ZNF239: variants seen among roughly 807,000 people sequenced by gnomAD.
ZNF239 encodes zinc finger protein (C2H2) homologous to mouse MOK-2.
Under a neutral mutation model 27.5 loss-of-function variants are expected in ZNF239, and 16 were observed. The observed-to-expected ratio is 0.58, with a 90% CI of 0.39 to 0.88. ZNF239 has a LOEUF of 0.88. Among genes scored for constraint, ZNF239 ranks in the 40% least tolerant of loss-of-function variants. ZNF239 has a pLI of 0.00. For missense variants in ZNF239, 527 were observed against 551.9 expected (o/e 0.95, Z 0.45); for synonymous variants, 199 against 192.6 (o/e 1.03, Z -0.27).
chr10:43,563,501 T>C (rs1237240633), intron 3 of ZNF239, among the ~76,000 whole-genome samples: 3 of 152,214 alleles, frequency 2.0e-5, no homozygotes, highest in East Asian at 1.9e-4. Context: ...CATATACTTG[T>C]AATGTACATA....
intron 3 of ZNF239, among the ~76,000 whole-genome samples, chr10:43,565,651 T>C (rs1192544941): frequency 6.6e-6 from 1 of 151,076 alleles, no homozygotes; most frequent in East Asian, 1.9e-4. Flanking sequence ...CTGTCTCTAC[T>C]AAAAATACAA....
At chr10:43,563,742 T>C (rs979156332) in intron 3 of ZNF239, among the ~76,000 whole-genome samples, 2 of 152,180 alleles carry the variant, frequency 1.3e-5, no homozygotes, top group Non-Finnish European at 2.9e-5. Flanking sequence ...ACAGTGATAC[T>C]GGGTCAATCA....
chr10:43,557,483 T>C lies in ZNF239; in HGVS notation c.597A>G (p.Lys199=). ...NTSPDGHPYE[K]IHTAEKQYEC... ...CGTATTGTTTCTCTGCAGTGTGGAT[T>C]TTCTCATATGGATGACCATCTGGGC... The change falls in exon 4 of 4, where the codon AAA becomes AAG. Residue 199 remains lysine (K), a synonymous_variant. Transcript: ENST00000374446. The C allele has an allele frequency of 6.2e-7, 1 of 1,614,176 alleles. No homozygotes were observed.
intron 3 of ZNF239, among the ~76,000 whole-genome samples, chr10:43,560,214 C>A (rs1837122227): frequency 6.6e-6 from 1 of 152,188 alleles, no homozygotes; most frequent in Admixed American, 6.5e-5. Flanking sequence ...CAAAGAAAGA[C>A]TGCTAATAAT....
At chr10:43,567,729 G>C (rs1299887807) in intron 3 of ZNF239, among the ~76,000 whole-genome samples, 170 bp downstream of exon 3, 1 of 152,196 alleles carries the variant, frequency 6.6e-6, no homozygotes, top group Admixed American at 6.5e-5. Flanking sequence ...GCTTATAAAG[G>C]ATGGAAAAGG....
intron 2 of ZNF239, among the ~76,000 whole-genome samples, chr10:43,569,328 A>G (rs747309633): frequency 2.0e-5 from 3 of 152,084 alleles, no homozygotes; most frequent in Admixed American, 6.6e-5. Context: ...GCTCCCCCAA[A>G]CATGAGTTTT....
Position 43,557,318 on chromosome 10 carries a change from C to T in ZNF239, c.762G>A (p.Gln254=), listed in dbSNP as rs368764611. ...FTRSSSLLIH[Q]AVHTDEKPYK... Reference sequence around the variant, plus strand: ...AAGGCTTCTCATCTGTGTGGACTGCCTGATGGATAAGCAGACTCGAGCTCC... The same window carrying T: ...AAGGCTTCTCATCTGTGTGGACTGCTTGATGGATAAGCAGACTCGAGCTCC... Residue 254 remains glutamine, a synonymous_variant, in exon 4 of 4, where the codon CAG becomes CAA. Coordinates refer to ENST00000374446, the MANE Select transcript of ZNF239 (RefSeq NM_001099282.2). 1.5e-5 allele frequency: 24 copies of T among 1,613,912 alleles called. No individual in the cohort carries two copies. Among genetic ancestry groups the T allele is most frequent in the Non-Finnish European group, 1.9e-5 (23 of 1,180,012 alleles).
chr10:43,564,361 G>A (rs970771917), intron 3 of ZNF239: 1 of 814,412 alleles, frequency 1.2e-6, no homozygotes, highest in African/African-American at 1.9e-5. Flanking sequence ...TCTAACTTGA[G>A]CTTGAAAAAC....
intron 3 of ZNF239, 74 bp from the exon 4 acceptor site, chr10:43,558,245 C>G: frequency 7.3e-7 from 1 of 1,366,178 alleles, no homozygotes; most frequent in Non-Finnish European, 9.7e-7. Flanking sequence ...GTGCCTAAGG[C>G]CTGAAGTCTT....
chr10:43,568,265 G>C (rs759608341), intron 2 of ZNF239: 15 of 985,430 alleles, frequency 1.5e-5, no homozygotes, highest in Non-Finnish European at 1.8e-5. Flanking sequence ...CTCAGCTACT[G>C]AATCTTTCTG....
chr10:43,559,743 A>C (rs1310246416), intron 3 of ZNF239, among the ~76,000 whole-genome samples: 3 of 152,210 alleles, frequency 2.0e-5, no homozygotes, highest in Non-Finnish European at 2.9e-5. Context: ...TATTACACTG[A>C]AATGACAAGA....
chr10:43,562,232 C>T (rs1221642177), intron 3 of ZNF239, among the ~76,000 whole-genome samples: 1 of 152,200 alleles, frequency 6.6e-6, no homozygotes, highest in Non-Finnish European at 1.5e-5. Context: ...ACTGAGGTAC[C>T]ATTTTCCACC....
intron 2 of ZNF239, among the ~76,000 whole-genome samples, chr10:43,571,931 A>G (rs1838058813): frequency 6.6e-6 from 1 of 152,202 alleles, no homozygotes. Context: ...ATTCACATTC[A>G]ATTTAAATGA....
intron 2 of ZNF239, among the ~76,000 whole-genome samples, chr10:43,572,922 C>A (rs1838124816): frequency 6.6e-6 from 1 of 152,166 alleles, no homozygotes; most frequent in Non-Finnish European, 1.5e-5. Flanking sequence ...ATGAATAACT[C>A]ATTTTACCTA....
intron 3 of ZNF239, among the ~76,000 whole-genome samples, chr10:43,558,467 G>A (rs75754324): frequency 6.9e-6 from 1 of 145,800 alleles, no homozygotes; most frequent in Non-Finnish European, 1.5e-5. Context: ...TTTTTTTTTT[G>A]AGACAGAGTT....
chr10:43,556,996 G>T lies in ZNF239; in HGVS notation c.1084C>A (p.Leu362Ile). The T allele has an allele frequency of 6.2e-7, 1 of 1,614,078 alleles. No individual in the cohort carries two copies. The highest frequency in any genetic ancestry group is 8.5e-7 in the Non-Finnish European group (1 of 1,179,994). Residue 362 changes from leucine (L) to isoleucine (I), a missense_variant, in exon 4 of 4, where the codon CTT (leucine) becomes ATT (isoleucine). By Grantham distance (5) the Leu-to-Ile change is conservative (BLOSUM62 2). Transcript: ENST00000374446. ...CGKGFSQSSN[L>I]HIHRCIHTGE... ...GTGTGGATGCACCGGTGAATGTGAAGGTTCGAGCTCTGACTGAAGCCCTTC... is the reference window on the plus strand; with the variant it reads ...GTGTGGATGCACCGGTGAATGTGAATGTTCGAGCTCTGACTGAAGCCCTTC...
chr10:43,570,337 A>G (rs1275299105), intron 2 of ZNF239: 2 of 985,254 alleles, frequency 2.0e-6, no homozygotes, highest in African/African-American at 3.5e-5. Flanking sequence ...AACAGAAGCA[A>G]AGGTTGCTGC....
intron 2 of ZNF239, chr10:43,570,153 T>C (rs1837937529): frequency 1.0e-6 from 1 of 984,996 alleles, no homozygotes; most frequent in African/African-American, 1.7e-5. Context: ...GGGCCTGCCC[T>C]GCAGGAGTGA....
At chr10:43,567,132 A>G (rs934131177) in intron 3 of ZNF239, among the ~76,000 whole-genome samples, 2 of 151,674 alleles carry the variant, frequency 1.3e-5, no homozygotes, top group African/African-American at 4.8e-5. Flanking sequence ...AAACAAAACA[A>G]AAAGACTCCG....
Sources: allele counts gnomAD v4.1 joint callset (sites outside exome capture counted in the v4.1 genomes callset), GRCh38; gene constraint gnomAD v4.1.1; transcripts MANE v1.5; gene names NCBI Gene and HGNC (gene_info 2026-07-23, HGNC 2026-07-21).